GRIN3A: variants seen among roughly 807,000 people sequenced by gnomAD.
GRIN3A encodes the protein glutamate ionotropic receptor NMDA type subunit 3A.
GRIN3A carries 47 observed loss-of-function variants against 92.4 expected under a neutral mutation model. That is an observed-to-expected ratio of 0.51 (90% CI 0.40 to 0.65). The LOEUF is 0.65. Among genes scored for constraint, GRIN3A ranks in the 30% least tolerant of loss-of-function variants. The pLI is 0.00. For synonymous variants in GRIN3A, 527 were observed against 540.6 expected, an observed-to-expected ratio of 0.97 and a Z score of 0.35; for missense variants, 1,324 against 1,393.1, an observed-to-expected ratio of 0.95 and a Z score of 0.79.
At chr9:101,735,842 C>T (rs1015880146) in intron 1 of GRIN3A, among the ~76,000 whole-genome samples, 1 of 148,166 alleles carries the variant, frequency 6.7e-6, no homozygotes, top group Non-Finnish European at 1.5e-5. Context: ...ATTCAGGTGA[C>T]AGAAATATTT....
Position 101,737,779 on chromosome 9 carries a change from G to GCGGCTGGC in GRIN3A, c.193_200dup (p.Ala68ProfsTer71). The GCGGCTGGC allele has an allele frequency of 6.5e-7, 1 of 1,528,178 alleles. No individual in the cohort carries two copies. The highest frequency in any genetic ancestry group is 8.7e-7 in the Non-Finnish European group (1 of 1,143,762). 94.7% of individuals were successfully genotyped at this position (1,528,178 alleles called of 1,614,324 possible). A position where few individuals can be genotyped will look rare whatever the true frequency, so the allele number is the denominator to read the frequency against. On this transcript the variant is annotated frameshift_variant, in exon 1 of 9. Transcript: ENST00000361820. LOFTEE classifies it high-confidence loss of function. ...CTCCTGCTCGGCTGTCGTCCGGAGC[G>GCGGCTGGC]CGGCTGGCCGCGCGGGGGGCGGTGG...
chr9:101,721,623 AAT>A (rs1051145925), intron 1 of GRIN3A, among the ~76,000 whole-genome samples: 1 of 152,132 alleles, frequency 6.6e-6, no homozygotes, highest in Non-Finnish European at 1.5e-5. Flanking sequence ...TGATATGAAC[AAT>A]AAGGTCCAGG....
intron 1 of GRIN3A, among the ~76,000 whole-genome samples, chr9:101,733,428 T>A (rs1830164161): frequency 6.6e-6 from 1 of 152,238 alleles, no homozygotes; most frequent in East Asian, 1.9e-4. Context: ...TTAAAAAGTT[T>A]TGCATCACTT....
intron 1 of GRIN3A, among the ~76,000 whole-genome samples, chr9:101,733,497 CTA>C: frequency 2.0e-5 from 3 of 152,156 alleles, no homozygotes; most frequent in African/African-American, 7.2e-5. Context: ...CGACTATCAG[CTA>C]TTCATCATGA....
chr9:101,652,313 C>T (rs1442652609), intron 3 of GRIN3A, among the ~76,000 whole-genome samples: 2 of 151,820 alleles, frequency 1.3e-5, no homozygotes, highest in Non-Finnish European at 2.9e-5. Flanking sequence ...TATCAAGTGC[C>T]AGTCTCTGTA....
rs1829300958 is a variant in GRIN3A, at chr9:101,670,382, A to G, written c.2030T>C (p.Met677Thr). 1.2e-6 allele frequency: 2 copies of G among 1,614,020 alleles called. No individual in the cohort carries two copies. The highest frequency in any genetic ancestry group is 1.3e-5 in the African/African-American group (1 of 75,048). Residue 677 changes from methionine to threonine, a missense_variant, in exon 3 of 9, where the codon ATG becomes ACG. Physicochemically the swap from Met to Thr is moderately conservative, Grantham distance 81. Coordinates refer to ENST00000361820, the MANE Select transcript of GRIN3A (RefSeq NM_133445.3). Reference sequence around the variant, plus strand: ...CAGAGCCACAAAAATCCCCAGCCACATTGTCCAGTGGAGTGGCCACATGAA... The same window carrying G: ...CAGAGCCACAAAAATCCCCAGCCACGTTGTCCAGTGGAGTGGCCACATGAA... ...GAFMWPLHWT[M>T]WLGIFVALHI...
intron 1 of GRIN3A, among the ~76,000 whole-genome samples, chr9:101,719,411 T>A (rs1829984237): frequency 8.5e-6 from 1 of 118,126 alleles, no homozygotes; most frequent in African/African-American, 2.9e-5. Flanking sequence ...AGTGTGAGAC[T>A]CCATCTTAAA....
chr9:101,735,456 T>G (rs1830189969), intron 1 of GRIN3A, among the ~76,000 whole-genome samples: 1 of 151,500 alleles, frequency 6.6e-6, no homozygotes, highest in South Asian at 2.1e-4. Context: ...TGCTTCATGG[T>G]TTTTCTGGTC....
At chr9:101,658,740 GTCTA>G (rs376353286) in intron 3 of GRIN3A, among the ~76,000 whole-genome samples, 5 of 146,614 alleles carry the variant, frequency 3.4e-5, no homozygotes, top group African/African-American at 7.9e-5. Flanking sequence ...CATGTTATTT[GTCTA>G]TCTATCTGTC....
intron 3 of GRIN3A, among the ~76,000 whole-genome samples, chr9:101,650,237 ATG>A (rs1413091128): frequency 6.6e-6 from 1 of 151,972 alleles, no homozygotes; most frequent in African/African-American, 2.4e-5. Flanking sequence ...TGGACTGACT[ATG>A]TTAGTGGCTC....
At chr9:101,621,153 T>C (rs28379324) in intron 5 of GRIN3A, among the ~76,000 whole-genome samples, 79,015 of 151,282 alleles carry the variant, frequency 0.52, 20,932 homozygotes, top group African/African-American at 0.62. Context: ...GGTGTGGTGG[T>C]GGGCACCTGT....
In GRIN3A at chr9:101,624,977, G is replaced by A. The variant is rs28622285; in HGVS notation, c.2499-1544C>T. On this transcript the variant is annotated intron_variant, in intron 4 of 8. Coordinates refer to ENST00000361820, the MANE Select transcript of GRIN3A (RefSeq NM_133445.3). The stretch of plus-strand genomic sequence containing the variant: ...CATATAAATCAGTGAGAGTAGAAGA[G>A]GGATGAAGAAATGCAGGATGCTGTG... 8.8e-3 allele frequency among the ~76,000 whole-genome samples: 1,345 copies of A among 152,260 alleles called. 24 individuals are homozygous for A. The highest frequency in any genetic ancestry group is 0.031 in the African/African-American group (1,291 of 41,536).
intron 6 of GRIN3A, among the ~76,000 whole-genome samples, chr9:101,611,494 T>A (rs1359761497): frequency 6.6e-6 from 1 of 152,184 alleles, no homozygotes; most frequent in African/African-American, 2.4e-5. Context: ...AGGTAGACAT[T>A]AATTTTGGGG....
At chr9:101,657,832 A>AGTAG (rs1185650795) in intron 3 of GRIN3A, among the ~76,000 whole-genome samples, 1 of 151,850 alleles carries the variant, frequency 6.6e-6, no homozygotes, top group Non-Finnish European at 1.5e-5. Flanking sequence ...TGGGAAAGGG[A>AGTAG]GTAGTGATGG....
chr9:101,707,775 T>C (rs1829830269), intron 1 of GRIN3A, among the ~76,000 whole-genome samples: 1 of 152,176 alleles, frequency 6.6e-6, no homozygotes, highest in South Asian at 2.1e-4. Flanking sequence ...TTGGGATTAG[T>C]GGATAGCGAA....
chr9:101,676,701 G>C (rs902180288), intron 2 of GRIN3A, among the ~76,000 whole-genome samples: 3 of 151,842 alleles, frequency 2.0e-5, no homozygotes, highest in African/African-American at 7.2e-5. Flanking sequence ...GAGTTTACTT[G>C]TCAGGATTAC....
At chr9:101,581,014 A>G (rs1827880922) in intron 6 of GRIN3A, among the ~76,000 whole-genome samples, 1 of 152,384 alleles carries the variant, frequency 6.6e-6, no homozygotes, top group South Asian at 2.1e-4. Context: ...TCAATCCCGT[A>G]GAAGTAAAAA....
At chr9:101,658,649 T>C (rs1251796454) in intron 3 of GRIN3A, among the ~76,000 whole-genome samples, 1 of 151,968 alleles carries the variant, frequency 6.6e-6, no homozygotes, top group African/African-American at 2.4e-5. Flanking sequence ...GTAAACTCAC[T>C]TCTTGAGTTT....
chr9:101,688,526 A>G (rs983042139), intron 1 of GRIN3A, among the ~76,000 whole-genome samples: 1 of 152,202 alleles, frequency 6.6e-6, no homozygotes. Context: ...GAAGCATTCA[A>G]CAGGGATGGG....
Sources: allele counts gnomAD v4.1 joint callset (sites outside exome capture counted in the v4.1 genomes callset), GRCh38; gene constraint gnomAD v4.1.1; transcripts MANE v1.5; gene names NCBI Gene and HGNC (gene_info 2026-07-23, HGNC 2026-07-21).